Variants in LGR6 observed in about 807,000 individuals in gnomAD.
LGR6 encodes the protein leucine rich repeat containing G protein-coupled receptor 6, also known as leucine-rich repeat-containing G protein-coupled receptor 6.
Under a neutral mutation model 69.4 loss-of-function variants are expected in LGR6, and 45 were observed. The ratio of observed to expected loss-of-function variants is 0.65; its 90% CI spans 0.51 to 0.83. LGR6 has a LOEUF of 0.83. LGR6 is among the 40% of genes least tolerant of loss of function. The probability of loss-of-function intolerance (pLI) is 0.00; values close to 1 mark genes in which losing one functional copy is unlikely to be tolerated. For synonymous variants in LGR6, 538 were observed against 555.0 expected, an observed-to-expected ratio of 0.97 and a Z score of 0.43; for missense variants, 1,108 against 1,246.7, an observed-to-expected ratio of 0.89 and a Z score of 1.68.
chr1:202,245,379 G>A (rs998848983), intron 4 of LGR6, among the ~76,000 whole-genome samples: 1 of 152,176 alleles, frequency 6.6e-6, no homozygotes, highest in Admixed American at 6.5e-5. Flanking sequence ...AGAGATGCTA[G>A]GAGAGTGTTC....
chr1:202,230,794 C>T (rs1300501699), intron 3 of LGR6, among the ~76,000 whole-genome samples: 2 of 152,238 alleles, frequency 1.3e-5, no homozygotes, highest in Non-Finnish European at 2.9e-5. Flanking sequence ...AGACCATCTC[C>T]TCCCTCCTTA....
At chr1:202,307,533 A>G in intron 14 of LGR6, 132 bp downstream of exon 14, 1 of 722,262 alleles carries the variant, frequency 1.4e-6, no homozygotes, top group Non-Finnish European at 2.4e-6. Context: ...AGCCTAATCA[A>G]TCATTCTGAC....
intron 4 of LGR6, among the ~76,000 whole-genome samples, chr1:202,237,649 C>G (rs879468987): frequency 6.6e-6 from 1 of 152,218 alleles, no homozygotes; most frequent in Non-Finnish European, 1.5e-5. Context: ...AAGTGGGCAG[C>G]CCTTGTGGCT....
At chr1:202,255,375 C>G (rs1663679815) in intron 4 of LGR6, among the ~76,000 whole-genome samples, 1 of 152,158 alleles carries the variant, frequency 6.6e-6, no homozygotes, top group African/African-American at 2.4e-5. Flanking sequence ...GATTCCATTA[C>G]CAGGACCTGG....
rs569414746 is a variant in LGR6, at chr1:202,254,208, A to C, written c.428+18215A>C. Among the ~76,000 whole-genome samples the C allele has an allele frequency of 3.3e-5, 5 of 152,266 alleles. No individual in the cohort carries two copies. The South Asian group carries it at 1.0e-3, about 32-fold the overall frequency. On this transcript the variant is annotated intron_variant, in intron 4 of 17. Coordinates refer to ENST00000367278, the MANE Select transcript of LGR6 (RefSeq NM_001017403.2). ...TGATCCACCTGCCTCAGCCTCCCGG[A>C]GTGCTGGGATTACAGGCATGAGCCA...
intron 2 of LGR6, among the ~76,000 whole-genome samples, chr1:202,225,763 G>A (rs1660499915): frequency 6.6e-6 from 1 of 151,992 alleles, no homozygotes; most frequent in Non-Finnish European, 1.5e-5. Context: ...CTTCTCCCTG[G>A]GAGTCATCTT....
chr1:202,282,443 G>C (rs1011616187), intron 6 of LGR6, among the ~76,000 whole-genome samples: 5 of 152,200 alleles, frequency 3.3e-5, no homozygotes, highest in African/African-American at 7.2e-5. Context: ...AATGTGAACT[G>C]TGTGAGCCTG....
intron 17 of LGR6, among the ~76,000 whole-genome samples, chr1:202,317,227 A>G (rs1654211969): frequency 6.6e-6 from 1 of 150,604 alleles, no homozygotes; most frequent in East Asian, 2.0e-4. Flanking sequence ...TACCCTCTCC[A>G]CTCCTTGATG....
Position 202,319,752 on chromosome 1 carries a change from T to C in LGR6, c.*545T>C, listed in dbSNP as rs1219263883. The C allele has an allele frequency of 1.3e-5, 2 of 152,718 alleles. No homozygotes were observed. Among genetic ancestry groups the C allele is most frequent in the Non-Finnish European group, 2.9e-5 (2 of 68,414 alleles). The allele number at this position is 152,718 out of a possible 1,614,324, so 9.5% of individuals were successfully genotyped here. On this transcript the variant is annotated 3_prime_UTR_variant, in exon 18 of 18. Transcript: ENST00000367278. Reference sequence around the variant, plus strand: ...CATGTTAGTGTAATAAAGAGATAAGTCCTACAGTAGTAAAATCTATTGAAC... The same window carrying C: ...CATGTTAGTGTAATAAAGAGATAAGCCCTACAGTAGTAAAATCTATTGAAC...
At chr1:202,284,410 A>G (rs763569361) in intron 6 of LGR6, among the ~76,000 whole-genome samples, 1 of 152,200 alleles carries the variant, frequency 6.6e-6, no homozygotes, top group African/African-American at 2.4e-5. Flanking sequence ...ATCAGACCAA[A>G]TGTAGGTATT....
Position 202,236,866 on chromosome 1 carries a change from C to T in LGR6, c.428+873C>T, listed in dbSNP as rs140231862. ...GGCCTCTCATATTCTCAGACTTTGGCGCTGTTCAGTCTGTGGATGTGGAAG... is the reference window on the plus strand; with the variant it reads ...GGCCTCTCATATTCTCAGACTTTGGTGCTGTTCAGTCTGTGGATGTGGAAG... On this transcript the variant is annotated intron_variant, in intron 4 of 17. Transcript: ENST00000367278. Among the ~76,000 whole-genome samples the T allele has an allele frequency of 1.4e-3, 208 of 152,166 alleles. 1 individual carries two copies. The highest frequency in any genetic ancestry group is 4.6e-3 in the African/African-American group (191 of 41,486).
rs1411761752 is a variant in LGR6, at chr1:202,194,501, G to T, written c.212+300G>T. The T allele has an allele frequency of 3.0e-5, 20 of 659,232 alleles. No individual in the cohort carries two copies. In the East Asian group the frequency reaches 6.4e-4, roughly 21 times the overall value. 40.8% of individuals were successfully genotyped at this position (659,232 alleles called of 1,614,324 possible). A position where few individuals can be genotyped will look rare whatever the true frequency, so the allele number is the denominator to read the frequency against. ...TGGGTTCTGGACCCTGAGCGGGAGG[G>T]CGCGGGGCTGGCTGCTCCATCTCCT... On this transcript the variant is annotated intron_variant, in intron 1 of 17. Transcript: ENST00000367278.
chr1:202,202,969 C>T (rs907462485), intron 1 of LGR6, among the ~76,000 whole-genome samples: 1 of 152,034 alleles, frequency 6.6e-6, no homozygotes, highest in Non-Finnish European at 1.5e-5. Flanking sequence ...GGATGTGGTC[C>T]CCAGGCCCAA....
intron 4 of LGR6, among the ~76,000 whole-genome samples, chr1:202,239,367 G>A (rs1422475571): frequency 6.6e-6 from 1 of 151,370 alleles, no homozygotes; most frequent in Non-Finnish European, 1.5e-5. Flanking sequence ...GTGTGTGTGT[G>A]TGTGTGTGTG....
chr1:202,283,454 G>A (rs1666162851), intron 6 of LGR6, among the ~76,000 whole-genome samples: 1 of 152,202 alleles, frequency 6.6e-6, no homozygotes, highest in African/African-American at 2.4e-5. Flanking sequence ...AGCTTTTCAT[G>A]TGAGCTTCTC....
intron 3 of LGR6, among the ~76,000 whole-genome samples, chr1:202,230,338 A>G (rs905540782): frequency 1.3e-5 from 2 of 150,846 alleles, no homozygotes; most frequent in African/African-American, 4.9e-5. Context: ...CTAAGTCTTC[A>G]ACCCACAGGC....
intron 3 of LGR6, among the ~76,000 whole-genome samples, chr1:202,231,167 T>G (rs1238266440): frequency 1.3e-5 from 2 of 152,152 alleles, no homozygotes; most frequent in Admixed American, 1.3e-4. Flanking sequence ...GGAGGAAATC[T>G]CCCTGAGCCA....
intron 7 of LGR6, 103 bp from the exon 8 acceptor site, chr1:202,300,746 A>G: frequency 1.4e-6 from 1 of 700,210 alleles, no homozygotes; most frequent in Non-Finnish European, 2.4e-6. Flanking sequence ...CTTTTGTCTT[A>G]TGGACTGTCT....
At chr1:202,254,876 CAAT>C (rs1435629239) in intron 4 of LGR6, among the ~76,000 whole-genome samples, 2 of 131,716 alleles carry the variant, frequency 1.5e-5, no homozygotes, top group Non-Finnish European at 3.2e-5. Flanking sequence ...GGGGCTGTAA[CAAT>C]AGTTGAGACT....
Sources: allele counts gnomAD v4.1 joint callset (sites outside exome capture counted in the v4.1 genomes callset), GRCh38; gene constraint gnomAD v4.1.1; transcripts MANE v1.5; gene names NCBI Gene and HGNC (gene_info 2026-07-23, HGNC 2026-07-21).